Variants in DPY30 observed in about 807,000 individuals in gnomAD.
DPY30 encodes the protein dpy-30 histone methyltransferase complex regulatory subunit, also known as protein dpy-30 homolog.
In DPY30, 6 loss-of-function variants were observed where a neutral mutation model predicts 16.2. That is an observed-to-expected ratio of 0.37 (90% CI 0.20 to 0.73). DPY30 has a LOEUF of 0.73. Ranked by LOEUF, DPY30 falls within the 30% of genes least tolerant of loss-of-function variation. The pLI is 0.51. For missense variants in DPY30, 73 were observed against 113.1 expected, an observed-to-expected ratio of 0.65 and a Z score of 1.61; for synonymous variants, 39 against 38.8, an observed-to-expected ratio of 1.00 and a Z score of -0.02.
chr2:32,029,553 GCTTT>G (rs1675455980), intron 4 of DPY30, 37 bp downstream of exon 4: 1 of 1,601,258 alleles, frequency 6.2e-7, no homozygotes, highest in African/African-American at 1.3e-5. Flanking sequence ...AATCTATTTT[GCTTT>G]CTTTACTAAC....
At chr2:32,028,897 G>A (rs1038403609) in intron 4 of DPY30, among the ~76,000 whole-genome samples, 8 of 152,108 alleles carry the variant, frequency 5.3e-5, no homozygotes, top group Admixed American at 5.2e-4. Flanking sequence ...CGGTGAGGTG[G>A]AGGTTGCAGT....
At chr2:32,012,423 T>TTC in intron 5 of DPY30, among the ~76,000 whole-genome samples, 1 of 117,350 alleles carries the variant, frequency 8.5e-6, no homozygotes, top group Non-Finnish European at 1.9e-5. Flanking sequence ...TTTTTTCTTT[T>TTC]TTTTTTTTTT....
At chr2:32,034,518 ATTCATG>A (rs1675664135) in intron 3 of DPY30, among the ~76,000 whole-genome samples, 5 of 152,334 alleles carry the variant, frequency 3.3e-5, no homozygotes, top group Middle Eastern at 3.4e-3. Context: ...GCACCAGGCC[ATTCATG>A]AGGGATTTGC....
At chr2:32,032,982 T>C (rs573464216) in intron 3 of DPY30, among the ~76,000 whole-genome samples, 32 of 143,206 alleles carry the variant, frequency 2.2e-4, no homozygotes, top group Middle Eastern at 4.5e-3. Flanking sequence ...GGCAACAGAG[T>C]GAGACTCCAT....
intron 5 of DPY30, among the ~76,000 whole-genome samples, chr2:32,018,791 G>A (rs1007725391): frequency 3.9e-5 from 6 of 152,148 alleles, no homozygotes; most frequent in African/African-American, 1.4e-4. Flanking sequence ...AGGCAAAGGC[G>A]GGCGATTGCT....
chr2:32,015,795 CAGTG>C (rs934018347), intron 5 of DPY30, among the ~76,000 whole-genome samples: 6 of 149,736 alleles, frequency 4.0e-5, no homozygotes, highest in African/African-American at 1.5e-4. Context: ...TTCAAAGCTG[CAGTG>C]ACCTATGATT....
At chr2:32,012,397 A>G (rs929452254) in intron 5 of DPY30, among the ~76,000 whole-genome samples, 2 of 145,444 alleles carry the variant, frequency 1.4e-5, no homozygotes, top group Admixed American at 6.9e-5. Context: ...CATACCATGT[A>G]TCCAAAACCT....
downstream of DPY30, among the ~76,000 whole-genome samples, chr2:32,020,559 G>C (rs1371124094): frequency 6.6e-6 from 1 of 152,058 alleles, no homozygotes; most frequent in Non-Finnish European, 1.5e-5. Context: ...CCCAAATTTT[G>C]AGGGGTGAGG....
chr2:32,029,287 T>C (rs1675445704), intron 4 of DPY30, among the ~76,000 whole-genome samples: 1 of 151,884 alleles, frequency 6.6e-6, no homozygotes, highest in Non-Finnish European at 1.5e-5. Context: ...ACAATAATAA[T>C]AATAAATTAT....
At chr2:32,038,268 G>A (rs1414435392) in intron 3 of DPY30, among the ~76,000 whole-genome samples, 2 of 150,006 alleles carry the variant, frequency 1.3e-5, no homozygotes, top group South Asian at 2.1e-4. Flanking sequence ...TCAGCCTCCC[G>A]AGTAGCTGGG....
intron 5 of DPY30, among the ~76,000 whole-genome samples, chr2:32,017,686 C>T (rs925515424): frequency 6.6e-6 from 1 of 151,614 alleles, no homozygotes; most frequent in African/African-American, 2.4e-5. Context: ...GTATGCCCAA[C>T]AAGGATCAAT....
At chr2:32,033,626 C>A (rs1458535131) in intron 3 of DPY30, among the ~76,000 whole-genome samples, 9 of 152,210 alleles carry the variant, frequency 5.9e-5, no homozygotes, top group Admixed American at 5.9e-4. Context: ...GAGCCGAGAT[C>A]GCGCCACAGC....
chr2:32,012,419 C>CTTTTTTTTTTTTTTTTTTTTTTT (rs397984233), intron 5 of DPY30, among the ~76,000 whole-genome samples: 1 of 81,656 alleles, frequency 1.2e-5, no homozygotes, highest in Non-Finnish European at 2.4e-5. Flanking sequence ...TCTCTTTTTT[C>CTTTTTTTTTTTTTTTTTTTTTTT]TTTTTTTTTT....
At chr2:32,019,876 A>G (rs1017523237), downstream of DPY30, among the ~76,000 whole-genome samples, 27 of 146,008 alleles carry the variant, frequency 1.8e-4, no homozygotes, top group Admixed American at 4.8e-4. Context: ...ATATATGTGT[A>G]TATATATATG....
intron 4 of DPY30, among the ~76,000 whole-genome samples, chr2:32,028,766 G>A (rs1558587381): frequency 6.6e-6 from 1 of 152,084 alleles, no homozygotes; most frequent in Non-Finnish European, 1.5e-5. Context: ...ACTCCAGCCT[G>A]GCGACAGAGC....
chr2:32,031,276 CG>C (rs1285445388), intron 3 of DPY30, among the ~76,000 whole-genome samples: 6 of 151,836 alleles, frequency 4.0e-5, no homozygotes, highest in African/African-American at 1.5e-4. Context: ...AAAAATTAGC[CG>C]GGCGTGGTAG....
rs762993642 is a variant in DPY30, at chr2:32,039,261, A to C, written c.84+18T>G. On this transcript the variant is annotated intron_variant, in intron 3 of 4. Transcript: ENST00000342166. ...GCAAGAGACAACACAGATGAGGCAT[A>C]GGAACTTGGCGAGTTACCTCAACGT... is the stretch of plus-strand genomic sequence containing the variant. The C allele has an allele frequency of 1.2e-6, 2 of 1,614,222 alleles. No homozygotes were observed. The highest frequency in any genetic ancestry group is 1.7e-6 in the Non-Finnish European group (2 of 1,180,034).
intron 3 of DPY30, among the ~76,000 whole-genome samples, chr2:32,034,557 A>G (rs543945600): frequency 6.6e-6 from 1 of 152,318 alleles, no homozygotes; most frequent in East Asian, 1.9e-4. Context: ...AACACCTCCC[A>G]CTAGGCCCCA....
intron 3 of DPY30, among the ~76,000 whole-genome samples, chr2:32,032,059 A>G (rs1377525748): frequency 6.6e-6 from 1 of 152,126 alleles, no homozygotes; most frequent in Non-Finnish European, 1.5e-5. Flanking sequence ...AAATTTTTCT[A>G]CTTTTAATTT....
Sources: gnomAD v4.1 joint callset for allele counts (sites outside exome capture counted in the v4.1 genomes callset) on GRCh38, gnomAD v4.1.1 for gene constraint, MANE v1.5 for transcripts, NCBI Gene and HGNC (gene_info 2026-07-23, HGNC 2026-07-21) for gene names.